The following PATJ variants were observed in gnomAD, a reference collection of about 807,000 sequenced individuals.
The protein encoded by PATJ is PATJ crumbs cell polarity complex component.
Under a neutral mutation model 224.9 loss-of-function variants are expected in PATJ, and 190 were observed. The observed-to-expected ratio is 0.84, with a 90% CI of 0.75 to 0.95. PATJ has a LOEUF of 0.95. PATJ is among the 40% of genes least tolerant of loss of function. The pLI is 0.00. For synonymous variants in PATJ, 769 were observed against 820.3 expected (o/e 0.94, Z 1.07); for missense variants, 2,121 against 2,270.3 (o/e 0.93, Z 1.34).
chr1:61,793,903 A>ATTTT (rs35202164), intron 9 of PATJ, among the ~76,000 whole-genome samples: 2 of 137,054 alleles, frequency 1.5e-5, no homozygotes, highest in African/African-American at 2.7e-5. Context: ...TTCTTCTACA[A>ATTTT]TTTTTTTTTT....
intron 23 of PATJ, 84 bp from the exon 24 acceptor site, chr1:61,901,198 C>A: frequency 2.7e-6 from 2 of 733,402 alleles, no homozygotes; most frequent in Non-Finnish European, 4.1e-6. Context: ...ATATGAGTCA[C>A]AAGGATATGA....
chr1:62,080,368 G>A (rs940135253), intron 32 of PATJ, among the ~76,000 whole-genome samples: 4 of 151,770 alleles, frequency 2.6e-5, no homozygotes, highest in Non-Finnish European at 5.9e-5. Flanking sequence ...GTCTCATTCT[G>A]TCACCCAGGC....
intron 28 of PATJ, among the ~76,000 whole-genome samples, chr1:62,015,342 A>G (rs1204206739): frequency 1.3e-5 from 2 of 152,144 alleles, no homozygotes; most frequent in East Asian, 3.9e-4. Flanking sequence ...AAAGATGAGT[A>G]GTTTCGAACC....
chr1:62,103,829 G>A (rs1662539460), intron 33 of PATJ, among the ~76,000 whole-genome samples: 1 of 151,828 alleles, frequency 6.6e-6, no homozygotes, highest in Non-Finnish European at 1.5e-5. Flanking sequence ...CTTATTGGTA[G>A]ATAATACTGT....
At position 62,158,581 on chromosome 1, in the gene PATJ, CGTG is replaced by C. The variant is rs1669499280; in HGVS notation, c.5503-2322_5503-2320del. ...CTAAAAATACAAAAAATTAGCCAGGCGTGGTGGCGGGCGCCTGTAGTCCCAGCT... is the reference window on the plus strand; with the variant it reads ...CTAAAAATACAAAAAATTAGCCAGGCGTGGCGGGCGCCTGTAGTCCCAGCT... On this transcript the variant is annotated intron_variant, in intron 43 of 43. Coordinates refer to ENST00000642238, the MANE Select transcript of PATJ (RefSeq NM_001350145.3). Among the ~76,000 whole-genome samples the C allele has an allele frequency of 4.7e-5, 7 of 148,546 alleles. 2 individuals are homozygous for C. The South Asian group carries it at 1.6e-3, about 34-fold the overall frequency.
At chr1:61,896,358 C>T (rs955739620) in intron 22 of PATJ, among the ~76,000 whole-genome samples, 2 of 151,878 alleles carry the variant, frequency 1.3e-5, no homozygotes, top group African/African-American at 4.8e-5. Flanking sequence ...GCCTGTGGCT[C>T]CTTTGTTTTG....
Position 61,763,162 on chromosome 1 carries a change from A to C in PATJ, c.172A>C (p.Lys58Gln). 6.3e-7 allele frequency: 1 copy of C among 1,585,842 alleles called. No individual in the cohort carries two copies. Among genetic ancestry groups the C allele is most frequent in the Non-Finnish European group, 8.6e-7 (1 of 1,167,526 alleles). ...GATACTCACACTTCAGCAGTCCATC[A>C]AGCAACTGAAGGGTCAAGTAAGTTA... ...NQILTLQQSI[K>Q]QLKGQLNHIP... Residue 58 changes from lysine to glutamine, a missense_variant, in exon 3 of 44, where the codon AAG becomes CAG. By Grantham distance (53) the Lys-to-Gln change is moderately conservative. Coordinates refer to ENST00000642238, the MANE Select transcript of PATJ (RefSeq NM_001350145.3).
chr1:62,111,518 C>A (rs1336720511), intron 34 of PATJ, among the ~76,000 whole-genome samples: 1 of 152,158 alleles, frequency 6.6e-6, no homozygotes, highest in African/African-American at 2.4e-5. Flanking sequence ...ATTTAACCTT[C>A]ACAACACTAA....
intron 15 of PATJ, among the ~76,000 whole-genome samples, chr1:61,823,576 T>C (rs1203901881): frequency 1.3e-5 from 2 of 152,176 alleles, no homozygotes; most frequent in East Asian, 3.9e-4. Context: ...TTGAAAGGAC[T>C]TTCTTGAGAG....
chr1:62,074,845 T>A (rs1658032671), intron 31 of PATJ, among the ~76,000 whole-genome samples: 1 of 152,014 alleles, frequency 6.6e-6, no homozygotes, highest in African/African-American at 2.4e-5. Context: ...CTGCCTGTAA[T>A]CCCATCTACT....
rs774394744 is a variant in PATJ, at chr1:61,787,786, G to A, written c.882G>A (p.Leu294=). 2.5e-6 allele frequency: 4 copies of A among 1,614,120 alleles called. No individual in the cohort carries two copies. The highest frequency in any genetic ancestry group is 3.4e-6 in the Non-Finnish European group (4 of 1,179,962). Reference sequence around the variant, plus strand: ...GACTCCAGACAGGGGACCACATCTTGAAGATTGGTGGCACAAACGTGCAGG... The same window carrying A: ...GACTCCAGACAGGGGACCACATCTTAAAGATTGGTGGCACAAACGTGCAGG... ...DGRLQTGDHI[L]KIGGTNVQGM... Residue 294 remains leucine (L), a synonymous_variant, in exon 8 of 44, where the codon TTG becomes TTA. Coordinates refer to ENST00000642238, the MANE Select transcript of PATJ (RefSeq NM_001350145.3).
intron 41 of PATJ, among the ~76,000 whole-genome samples, chr1:62,137,658 G>A: frequency 7.5e-6 from 1 of 132,642 alleles, no homozygotes; most frequent in Non-Finnish European, 1.6e-5. Flanking sequence ...ACCTCTGGAG[G>A]GGGGAACACA....
At chr1:61,843,329 GATA>G (rs772579608) in intron 17 of PATJ, among the ~76,000 whole-genome samples, 2 of 152,118 alleles carry the variant, frequency 1.3e-5, no homozygotes, top group African/African-American at 4.8e-5. Context: ...TTGCATTCTG[GATA>G]TACTCTTGGG....
intron 7 of PATJ, among the ~76,000 whole-genome samples, chr1:61,775,683 A>G (rs1021680941): frequency 4.6e-5 from 7 of 152,238 alleles, no homozygotes; most frequent in African/African-American, 1.7e-4. Context: ...TGTTAAAATC[A>G]GAAGATACAG....
At chr1:61,813,360 T>G (rs1286948189) in intron 14 of PATJ, among the ~76,000 whole-genome samples, 7 of 54,036 alleles carry the variant, frequency 1.3e-4, no homozygotes, top group Non-Finnish European at 2.5e-4. Context: ...TATATATATA[T>G]ATATATATAT....
intron 5 of PATJ, among the ~76,000 whole-genome samples, chr1:61,770,889 A>G (rs1646562708): frequency 6.6e-6 from 1 of 151,316 alleles, no homozygotes; most frequent in African/African-American, 2.4e-5. Flanking sequence ...CAGCCTGGGC[A>G]AATAGGAGTG....
At chr1:61,767,296 G>A (rs924860450) in intron 4 of PATJ, among the ~76,000 whole-genome samples, 11 of 152,116 alleles carry the variant, frequency 7.2e-5, no homozygotes, top group African/African-American at 2.7e-4. Flanking sequence ...ATCTTTGGGA[G>A]GCAGAGGCAG....
intron 16 of PATJ, among the ~76,000 whole-genome samples, chr1:61,831,863 T>A (rs1385861651): frequency 1.3e-5 from 2 of 152,132 alleles, no homozygotes; most frequent in Non-Finnish European, 2.9e-5. Flanking sequence ...TGTTTTGCCA[T>A]AAAGATGCAT....
At chr1:62,123,441 C>A (rs977683103) in intron 39 of PATJ, among the ~76,000 whole-genome samples, 1 of 144,450 alleles carries the variant, frequency 6.9e-6, no homozygotes, top group Non-Finnish European at 1.5e-5. Flanking sequence ...TTTCATAGTA[C>A]TCCATCTTAT....
Sources: gnomAD v4.1 joint callset for allele counts (sites outside exome capture counted in the v4.1 genomes callset) on GRCh38, gnomAD v4.1.1 for gene constraint, MANE v1.5 for transcripts, NCBI Gene and HGNC (gene_info 2026-07-23, HGNC 2026-07-21) for gene names.